PMPCB: variants seen among roughly 807,000 people sequenced by gnomAD.
The protein encoded by PMPCB is mitochondrial-processing peptidase subunit beta.
A neutral mutation model predicts 61.5 loss-of-function variants in PMPCB; 46 were observed. The ratio of observed to expected loss-of-function variants is 0.75; its 90% CI spans 0.59 to 0.96. The LOEUF is 0.96. Among genes scored for constraint, PMPCB ranks in the 40% least tolerant of loss-of-function variants. The pLI, the probability that PMPCB is intolerant of heterozygous loss-of-function variation, is 0.00. For missense variants in PMPCB, 590 were observed against 602.4 expected (o/e 0.98, Z 0.22); for synonymous variants, 191 against 201.6 (o/e 0.95, Z 0.44).
At chr7:103,327,381 G>C in intron 12 of PMPCB, 1 of 1,193,002 alleles carries the variant, frequency 8.4e-7, no homozygotes, top group East Asian at 4.2e-5. Context: ...TGGGGATCCT[G>C]TTAAAATGCA....
Position 103,324,448 on chromosome 7 carries a change from AT to A in PMPCB, c.*1432-4482del, listed in dbSNP as rs752239907. 14 of 1,432,302 alleles carry A rather than the reference AT, an allele frequency of 9.8e-6. No homozygotes were observed. In the African/African-American group the frequency reaches 2.1e-4, roughly 21 times the overall value. 88.7% of individuals were successfully genotyped at this position (1,432,302 alleles called of 1,614,324 possible). A position where few individuals can be genotyped will look rare whatever the true frequency, so the allele number is the denominator to read the frequency against. The stretch of plus-strand genomic sequence containing the variant: ...TATTGAATACTTTTCCTTTTAAAAA[AT>A]GACAGCATCATACAAACAGTATATT... On this transcript the variant is annotated intron_variant and NMD_transcript_variant, in intron 12 of 12. Transcript: ENST00000444457.
At position 103,297,502 on chromosome 7, in the gene PMPCB, C is replaced by G. The variant is rs756873407; in HGVS notation, c.43C>G (p.Arg15Gly). ...AARVVLSSAA[R>G]RRLWGFSESL... ...TCGAGTGGTGTTGTCATCCGCGGCG[C>G]GGCGGCGGCTCTGGGGTTTCAGCGA... The change falls in exon 1 of 13, where the codon CGG becomes GGG. Residue 15 changes from arginine to glycine, a missense_variant. Physicochemically the swap from Arg to Gly is moderately radical, Grantham distance 125. Transcript: ENST00000249269. 2.5e-6 allele frequency: 4 copies of G among 1,578,180 alleles called. No individual in the cohort carries two copies. The East Asian group carries it at 6.8e-5, about 27-fold the overall frequency.
chr7:103,341,680 A>G, the PMPCB span: 1 of 1,145,478 alleles, frequency 8.7e-7, no homozygotes. Flanking sequence ...ATCTTAAAAC[A>G]TGTTTATTAA....
intron 12 of PMPCB, chr7:103,326,429 CA>C (rs1818710650): frequency 4.8e-6 from 5 of 1,038,636 alleles, no homozygotes; most frequent in Admixed American, 2.3e-5. Context: ...GAGGAAGAGA[CA>C]GTGGAAATAA....
At chr7:103,337,758 T>A in the PMPCB span, 2 of 1,613,848 alleles carry the variant, frequency 1.2e-6, no homozygotes, top group Non-Finnish European at 1.7e-6. Context: ...TCTGTCTCTG[T>A]GTAGCCTTGT....
intron 12 of PMPCB, among the ~76,000 whole-genome samples, chr7:103,325,361 T>C (rs1483894572): frequency 1.3e-5 from 2 of 151,360 alleles, no homozygotes; most frequent in Non-Finnish European, 2.9e-5. Context: ...TGCTTGAACC[T>C]GGGAGGCAGA....
At chr7:103,303,678 A>G (rs1258258707) in intron 4 of PMPCB, among the ~76,000 whole-genome samples, 164 bp from the exon 5 acceptor site, 1 of 152,198 alleles carries the variant, frequency 6.6e-6, no homozygotes, top group Non-Finnish European at 1.5e-5. Context: ...TATATGTTAA[A>G]TTTTAATTTT....
At position 103,313,637 on chromosome 7, in the gene PMPCB, G is replaced by A. The variant is rs1817882184; in HGVS notation, c.*1366G>A. Reference sequence around the variant, plus strand: ...GTGCTGGAGAGGCAAGCTGAGATTAGATTGTGTTGTAGTGTGGTGTTCTCT... The same window carrying A: ...GTGCTGGAGAGGCAAGCTGAGATTAAATTGTGTTGTAGTGTGGTGTTCTCT... On this transcript the variant is annotated 3_prime_UTR_variant, in exon 13 of 13. Coordinates refer to ENST00000249269, the MANE Select transcript of PMPCB (RefSeq NM_004279.3). The A allele has an allele frequency of 1.0e-6, 1 of 985,412 alleles. No homozygotes were observed. Among genetic ancestry groups the A allele is most frequent in the Non-Finnish European group, 1.2e-6 (1 of 829,904 alleles). The allele number at this position is 985,412 out of a possible 1,614,324, so 61.0% of individuals were successfully genotyped here. A position where few individuals can be genotyped will look rare whatever the true frequency, so the allele number is the denominator to read the frequency against.
chr7:103,344,962 G>T, the PMPCB span: 1 of 444,804 alleles, frequency 2.2e-6, no homozygotes, highest in Non-Finnish European at 4.0e-6. Context: ...GCAATACATA[G>T]AACATAACCT....
At chr7:103,330,750 CTTT>C (rs112547436), downstream of PMPCB, among the ~76,000 whole-genome samples, 23 of 143,822 alleles carry the variant, frequency 1.6e-4, no homozygotes, top group Admixed American at 5.6e-4. Flanking sequence ...ACACCCAGCT[CTTT>C]TTTTTTTTTG....
the PMPCB span, among the ~76,000 whole-genome samples, chr7:103,334,948 C>T: frequency 3.3e-5 from 5 of 152,044 alleles, no homozygotes; most frequent in East Asian, 1.9e-4. Context: ...GTTCTCGTGC[C>T]GCAGCCGCCC....
rs993649034 is a variant in PMPCB at position 103,314,637 on chromosome 7, C to T, written c.*2366C>T. 5.8e-5 allele frequency: 57 copies of T among 985,262 alleles called. No homozygotes were observed. The highest frequency in any genetic ancestry group is 6.1e-5 in the Non-Finnish European group (51 of 829,906). The allele number at this position is 985,262 out of a possible 1,614,324, so 61.0% of individuals were successfully genotyped here. A position where few individuals can be genotyped will look rare whatever the true frequency, so the allele number is the denominator to read the frequency against. On this transcript the variant is annotated 3_prime_UTR_variant, in exon 13 of 13. Transcript: ENST00000249269. ...AGTGTCTTTCAGGTGTTCTGAAACCCTGCCTTGTTACTTACCTTTATTAAA... is the reference window on the plus strand; with the variant it reads ...AGTGTCTTTCAGGTGTTCTGAAACCTTGCCTTGTTACTTACCTTTATTAAA...
the PMPCB span, chr7:103,344,344 T>C: frequency 5.1e-6 from 3 of 584,000 alleles, no homozygotes; most frequent in African/African-American, 1.9e-5. Context: ...GAAGCAACGG[T>C]AGGAGCAAAA....
In PMPCB at chr7:103,300,305, G is replaced by A; in HGVS notation, c.455G>A (p.Arg152Lys). The change falls in exon 4 of 13, where the codon AGA (arginine) becomes AAA (lysine). Residue 152 changes from arginine (R) to lysine (K), a missense_variant and splice_region_variant. By Grantham distance (26) the Arg-to-Lys change is conservative. Transcript: ENST00000249269. ...YAKAFSKDLP[R>K]AVEILADIIQ... is the part of the protein sequence containing the mutation. Reference sequence around the variant, plus strand: ...AAAGCATTCTCTAAAGACTTGCCAAGAGGTACTGTTATTATTTATACAGCA... The same window carrying A: ...AAAGCATTCTCTAAAGACTTGCCAAAAGGTACTGTTATTATTTATACAGCA... The A allele has an allele frequency of 2.5e-6, 4 of 1,602,302 alleles. No individual in the cohort carries two copies. The highest frequency in any genetic ancestry group is 2.6e-6 in the Non-Finnish European group (3 of 1,174,306).
At chr7:103,318,366 G>T (rs1385057728), downstream of PMPCB, among the ~76,000 whole-genome samples, 1 of 151,994 alleles carries the variant, frequency 6.6e-6, no homozygotes, top group Non-Finnish European at 1.5e-5. Context: ...TGTTTATGTT[G>T]CCCAGGCTGA....
rs1381620759 is a variant in PMPCB at position 103,313,355 on chromosome 7, T to TA, written c.*1085dup. The TA allele has an allele frequency of 8.7e-7, 1 of 1,155,176 alleles. No homozygotes were observed. Among genetic ancestry groups the TA allele is most frequent in the African/African-American group, 1.6e-5 (1 of 62,644 alleles). The allele number at this position is 1,155,176 out of a possible 1,614,324, so 71.6% of individuals were successfully genotyped here. ...TAGTAAAGATCTACCTTGTACTGTT[T>TA]ATCTCTTAAAAATCAATGTAATACA... On this transcript the variant is annotated 3_prime_UTR_variant, in exon 13 of 13. Transcript: ENST00000249269.
chr7:103,323,473 A>G (rs2115894467), intron 12 of PMPCB: 1 of 1,025,712 alleles, frequency 9.7e-7, no homozygotes, highest in East Asian at 3.5e-5. Flanking sequence ...AAATATTAAA[A>G]AATTGTTTAA....
At position 103,314,163 on chromosome 7, in the gene PMPCB, T is replaced by C; in HGVS notation, c.*1892T>C. 3 of 985,446 alleles carry C rather than the reference T, an allele frequency of 3.0e-6. No homozygotes were observed. Among genetic ancestry groups the C allele is most frequent in the Non-Finnish European group, 3.6e-6 (3 of 829,928 alleles). The allele number at this position is 985,446 out of a possible 1,614,324, so 61.0% of individuals were successfully genotyped here. On this transcript the variant is annotated 3_prime_UTR_variant, in exon 13 of 13. Coordinates refer to ENST00000249269, the MANE Select transcript of PMPCB (RefSeq NM_004279.3). ...AGTTCTAGGAAGTCTTTTGTTGAAT[T>C]TCCTTGTATTGGTTTAAAGCCCTAA...
chr7:103,307,285 C>T (rs868146937), intron 6 of PMPCB, among the ~76,000 whole-genome samples: 12 of 151,916 alleles, frequency 7.9e-5, no homozygotes, highest in Admixed American at 1.3e-4. Flanking sequence ...AGTTTGGATC[C>T]CAGAGGTTTT....
Sources: gnomAD v4.1 joint callset for allele counts (sites outside exome capture counted in the v4.1 genomes callset) on GRCh38, gnomAD v4.1.1 for gene constraint, MANE v1.5 for transcripts, NCBI Gene and HGNC (gene_info 2026-07-23, HGNC 2026-07-21) for gene names.